Variants in KDM2A observed in about 807,000 individuals in gnomAD.
The protein encoded by KDM2A is lysine demethylase 2A, also known as lysine-specific demethylase 2A.
A neutral mutation model predicts 137.3 loss-of-function variants in KDM2A; 3 were observed. The ratio of observed to expected loss-of-function variants is 0.02; its 90% confidence interval spans 0.01 to 0.06. The LOEUF (loss-of-function observed/expected upper bound fraction) is 0.06, where lower values mean the gene tolerates loss of function less well. Ranked by LOEUF, KDM2A falls within the 10% of genes least tolerant of loss-of-function variation. KDM2A has a pLI of 1.00. For synonymous variants in KDM2A, 512 were observed against 541.5 expected (o/e 0.95, Z 0.76); for missense variants, 738 against 1,510.6 (o/e 0.49, Z 8.48).
At chr11:67,182,172 C>T (rs1026654825) in intron 5 of KDM2A, among the ~76,000 whole-genome samples, 3 of 152,174 alleles carry the variant, frequency 2.0e-5, no homozygotes, top group African/African-American at 4.8e-5. Context: ...TCCAAGAAAC[C>T]GAAAACTTAC....
chr11:67,143,594 C>G (rs1037872557), intron 2 of KDM2A, among the ~76,000 whole-genome samples: 2 of 151,792 alleles, frequency 1.3e-5, no homozygotes, highest in Admixed American at 1.3e-4. Context: ...ATTTTAGTTT[C>G]GCTTTTGTCT....
chr11:67,223,904 C>T (rs914444607), intron 10 of KDM2A, among the ~76,000 whole-genome samples: 2 of 152,180 alleles, frequency 1.3e-5, no homozygotes, highest in African/African-American at 2.4e-5. Context: ...TTGTCTCTCT[C>T]CTCTGTCTCC....
chr11:67,231,484 C>T (rs1858718750), intron 11 of KDM2A, 82 bp from the exon 12 acceptor site: 2 of 1,256,202 alleles, frequency 1.6e-6, no homozygotes, highest in Non-Finnish European at 2.2e-6. Flanking sequence ...AGCCTCAAGG[C>T]CCCTATCATG....
chr11:67,237,408 T>G (rs1270325497), intron 12 of KDM2A, among the ~76,000 whole-genome samples: 3 of 151,942 alleles, frequency 2.0e-5, no homozygotes, highest in Non-Finnish European at 4.4e-5. Flanking sequence ...CTTATTCCAT[T>G]AAGCCAGATT....
chr11:67,239,581 T>C (rs1858964816), intron 12 of KDM2A, among the ~76,000 whole-genome samples: 1 of 152,208 alleles, frequency 6.6e-6, no homozygotes, highest in Non-Finnish European at 1.5e-5. Context: ...ACTCAGCTCC[T>C]GTGCCTAGTT....
chr11:67,195,337 C>T (rs1393715011), intron 5 of KDM2A, among the ~76,000 whole-genome samples: 1 of 137,856 alleles, frequency 7.3e-6, no homozygotes, highest in African/African-American at 2.7e-5. Flanking sequence ...CCACTGCACT[C>T]CAGCCTGGGT....
At chr11:67,253,363 TG>T (rs1859497406) in intron 18 of KDM2A, 89 bp from the exon 19 acceptor site, 1 of 1,140,922 alleles carries the variant, frequency 8.8e-7, no homozygotes, top group East Asian at 2.4e-5. Flanking sequence ...CCTATTAGAC[TG>T]GAAGTTTGTT....
rs771052743 is a variant in KDM2A, at chr11:67,228,114, C to T, written c.1035C>T (p.Thr345=). The change falls in exon 11 of 21, where the codon ACC becomes ACT. Residue 345 remains threonine, a synonymous_variant. Transcript: ENST00000529006. ...TGGAGCGCTATGTGTACTGCATAAC[C>T]AACCGTTCCCACCTAACTAAGGAAT... ...YVLERYVYCI[T]NRSHLTKEFQ... 1 of 1,613,278 alleles carries T rather than the reference C, an allele frequency of 6.2e-7. No individual in the cohort carries two copies. Among genetic ancestry groups the T allele is most frequent in the Non-Finnish European group, 8.5e-7 (1 of 1,179,406 alleles).
At chr11:67,160,194 A>G (rs1856603630) in intron 2 of KDM2A, among the ~76,000 whole-genome samples, 1 of 152,166 alleles carries the variant, frequency 6.6e-6, no homozygotes, top group African/African-American at 2.4e-5. Context: ...TCTGTTAGGA[A>G]CAGGCAGTGA....
chr11:67,187,464 A>C (rs1857235313), intron 5 of KDM2A, among the ~76,000 whole-genome samples: 1 of 152,196 alleles, frequency 6.6e-6, no homozygotes, highest in African/African-American at 2.4e-5. Flanking sequence ...GGAAAAAGCT[A>C]TTCCATGCAA....
chr11:67,126,461 A>G (rs1034783870), intron 2 of KDM2A, among the ~76,000 whole-genome samples: 1 of 151,630 alleles, frequency 6.6e-6, no homozygotes, highest in Non-Finnish European at 1.5e-5. Flanking sequence ...TGATCCCAGC[A>G]CTTTGGGAGG....
intron 10 of KDM2A, chr11:67,219,619 A>G (rs943258057): frequency 8.0e-6 from 2 of 250,246 alleles, no homozygotes; most frequent in Non-Finnish European, 1.5e-5. Flanking sequence ...CAGTGGCGTG[A>G]TCATGGATGA....
chr11:67,180,270 A>C, intron 3 of KDM2A, 53 bp downstream of exon 3: 1 of 1,568,018 alleles, frequency 6.4e-7, no homozygotes, highest in South Asian at 1.2e-5. Flanking sequence ...GAAGCCATAG[A>C]CTCTGAGCAT....
rs143109242 is a variant in KDM2A, at chr11:67,198,243, A to G, written c.308-9267A>G. On this transcript the variant is annotated intron_variant, in intron 5 of 20. Transcript: ENST00000529006. The stretch of plus-strand genomic sequence containing the variant: ...GTTAGCTATTACTTTGACCATCACA[A>G]TTTTATCTAAGTGCTCTGGTCCATA... Among the ~76,000 whole-genome samples the G allele has an allele frequency of 3.1e-3, 468 of 152,098 alleles. 3 individuals carry two copies. The highest frequency in any genetic ancestry group is 0.011 in the African/African-American group (452 of 41,482).
intron 17 of KDM2A, among the ~76,000 whole-genome samples, chr11:67,251,470 T>A (rs942283839): frequency 1.3e-5 from 2 of 152,242 alleles, no homozygotes; most frequent in Admixed American, 6.5e-5. Context: ...TGGGCATTGT[T>A]GGTTTTTCCT....
At chr11:67,141,916 C>A (rs1490244200) in intron 2 of KDM2A, among the ~76,000 whole-genome samples, 1 of 151,828 alleles carries the variant, frequency 6.6e-6, no homozygotes, top group African/African-American at 2.4e-5. Context: ...AGTGAGAACA[C>A]GTGATACTTC....
intron 2 of KDM2A, among the ~76,000 whole-genome samples, chr11:67,141,903 T>C (rs1271064607): frequency 6.6e-6 from 1 of 151,876 alleles, no homozygotes; most frequent in Non-Finnish European, 1.5e-5. Flanking sequence ...TCTTTAATAT[T>C]TGAGTGAGAA....
At chr11:67,209,659 G>A (rs976968002) in intron 6 of KDM2A, among the ~76,000 whole-genome samples, 17 of 152,046 alleles carry the variant, frequency 1.1e-4, no homozygotes, top group Non-Finnish European at 1.6e-4. Context: ...GGCCAGGCTT[G>A]TCTCGAACCC....
rs1859262429 is a variant in KDM2A at position 67,247,069 on chromosome 11, ATATTTTTT to A, written c.1965+955_1965+962del. Among the ~76,000 whole-genome samples, 7 of 21,076 alleles carry A rather than the reference ATATTTTTT, an allele frequency of 3.3e-4. No homozygotes were observed. The East Asian group carries it at 5.2e-3, about 16-fold the overall frequency. The allele number at this position is 21,076 out of a possible 152,430, so 13.8% of individuals were successfully genotyped here. ...TATATATATATATATATATATATAT[ATATTTTTT>A]TTTTTTTTTTTTTTTTTTTTTTTTT... On this transcript the variant is annotated intron_variant, in intron 15 of 20. Coordinates refer to ENST00000529006, the MANE Select transcript of KDM2A (RefSeq NM_012308.3).
Sources: gnomAD v4.1 joint callset for allele counts (sites outside exome capture counted in the v4.1 genomes callset) on GRCh38, gnomAD v4.1.1 for gene constraint, MANE v1.5 for transcripts, NCBI Gene and HGNC (gene_info 2026-07-23, HGNC 2026-07-21) for gene names.